Variants in FMN2 observed in about 807,000 individuals in gnomAD.
FMN2 encodes formin 2, also known as formin-2.
Under a neutral mutation model 142.3 loss-of-function variants are expected in FMN2, and 51 were observed. The observed-to-expected ratio is 0.36, with a 90% confidence interval of 0.29 to 0.45. FMN2 has a LOEUF of 0.45. FMN2 is among the 20% of genes least tolerant of loss of function. The probability of loss-of-function intolerance (pLI) is 1.00; values close to 1 mark genes in which losing one functional copy is unlikely to be tolerated. For synonymous variants in FMN2, 882 were observed against 869.8 expected, an observed-to-expected ratio of 1.01 and a Z score of -0.25; for missense variants, 1,936 against 2,122.8, an observed-to-expected ratio of 0.91 and a Z score of 1.73.
chr1:240,235,940 T>G (rs746679315), intron 6 of FMN2: 1 of 152,216 alleles, frequency 6.6e-6, no homozygotes, highest in Non-Finnish European at 1.5e-5. Context: ...ATGTTTCTTT[T>G]TTAAGTTTCT....
intron 14 of FMN2, 42 bp downstream of exon 14, chr1:240,355,950 GCAAAAAAAAAAAAAAAAAAA>G (rs1558449515): frequency 4.1e-4 from 35 of 86,106 alleles, no homozygotes; most frequent in Admixed American, 1.6e-3. Flanking sequence ...TCCCCTTTCA[GCAAAAAAAAAAAAAAAAAAA>G]AAAAAAAAAA....
chr1:240,334,270 T>G (rs770242521), intron 13 of FMN2, 41 bp downstream of exon 13: 3 of 1,536,994 alleles, frequency 2.0e-6, no homozygotes, highest in Non-Finnish European at 2.6e-6. Flanking sequence ...GTTTATGCTT[T>G]TTTAATGAGA....
At chr1:240,446,328 G>A (rs1675813710) in intron 16 of FMN2, among the ~76,000 whole-genome samples, 1 of 152,176 alleles carries the variant, frequency 6.6e-6, no homozygotes, top group African/African-American at 2.4e-5. Context: ...CGGACCAAGA[G>A]CTAAGAACGT....
At position 240,309,486 on chromosome 1, in the gene FMN2, G is replaced by A. The variant is rs1028967454; in HGVS notation, c.4215+14603G>A. Among the ~76,000 whole-genome samples the A allele has an allele frequency of 2.5e-4, 38 of 152,146 alleles. 1 individual carries two copies. The highest frequency in any genetic ancestry group is 1.7e-4 in the African/African-American group (7 of 41,436). ...CTTGGCTGGTGCAGGTGCACAGTGC[G>A]TGGTGTCTGCATTGGAGGCAAACTG... is the stretch of plus-strand genomic sequence containing the variant. On this transcript the variant is annotated intron_variant, in intron 8 of 17. Coordinates refer to ENST00000319653, the MANE Select transcript of FMN2 (RefSeq NM_020066.5).
chr1:240,152,081 T>A (rs914958515), intron 2 of FMN2, among the ~76,000 whole-genome samples: 2 of 152,158 alleles, frequency 1.3e-5, no homozygotes, highest in Non-Finnish European at 2.9e-5. Context: ...TCCAATGGAC[T>A]TTTTAATGCA....
intron 4 of FMN2, among the ~76,000 whole-genome samples, chr1:240,198,000 A>T (rs1213937872): frequency 6.6e-6 from 1 of 152,034 alleles, no homozygotes; most frequent in Non-Finnish European, 1.5e-5. Flanking sequence ...ACAAACACCA[A>T]AAAAAAGATA....
intron 15 of FMN2, among the ~76,000 whole-genome samples, chr1:240,430,904 T>A (rs79258924): frequency 0.034 from 5,074 of 149,948 alleles, 259 homozygotes; most frequent in African/African-American, 0.12. Context: ...TTCTTTTTTT[T>A]AAAAATGTAT....
At chr1:240,204,928 A>G (rs1452778250) in intron 4 of FMN2, among the ~76,000 whole-genome samples, 1 of 152,182 alleles carries the variant, frequency 6.6e-6, no homozygotes, top group Non-Finnish European at 1.5e-5. Flanking sequence ...AGATTTAATA[A>G]AGAAGATGTT....
intron 16 of FMN2, among the ~76,000 whole-genome samples, chr1:240,460,744 A>G (rs1676421143): frequency 6.6e-6 from 1 of 152,038 alleles, no homozygotes; most frequent in Non-Finnish European, 1.5e-5. Context: ...AAACATTCTG[A>G]AAATCACGTA....
At chr1:240,278,137 C>T (rs568879024) in intron 7 of FMN2, among the ~76,000 whole-genome samples, 98 of 152,266 alleles carry the variant, frequency 6.4e-4, no homozygotes, top group Middle Eastern at 3.4e-3. Flanking sequence ...GCTAAGTGCC[C>T]ACTTTTAAAA....
At chr1:240,155,001 C>G (rs991647295) in intron 2 of FMN2, among the ~76,000 whole-genome samples, 1 of 151,494 alleles carries the variant, frequency 6.6e-6, no homozygotes, top group South Asian at 2.1e-4. Flanking sequence ...ATCCCCCCCC[C>G]GACCTTGACC....
chr1:240,459,025 A>T (rs921468386), intron 16 of FMN2: 1 of 152,120 alleles, frequency 6.6e-6, no homozygotes, highest in Non-Finnish European at 1.5e-5. Context: ...TTTTTTTTCT[A>T]TATCAGAGAC....
At position 240,149,105 on chromosome 1, in the gene FMN2, T is replaced by C. The variant is rs543913007; in HGVS notation, c.1782+25760T>C. On this transcript the variant is annotated intron_variant, in intron 2 of 17. Coordinates refer to ENST00000319653, the MANE Select transcript of FMN2 (RefSeq NM_020066.5). ...TAACATGTGTTTTGAAATGTGCTTT[T>C]GAAATACAAGGGGTTGTAAAACATT... 2.6e-5 allele frequency among the ~76,000 whole-genome samples: 4 copies of C among 152,332 alleles called. No homozygotes were observed. The South Asian group carries it at 6.2e-4, about 24-fold the overall frequency.
chr1:240,207,751 C>T lies in FMN2; in HGVS notation c.2939C>T (p.Pro980Leu), dbSNP rs763833109. The T allele has an allele frequency of 1.7e-5, 26 of 1,513,090 alleles. 1 individual carries two copies. Among genetic ancestry groups the T allele is most frequent in the Non-Finnish European group, 2.3e-5 (25 of 1,103,268 alleles). The allele number at this position is 1,513,090 out of a possible 1,614,324, so 93.7% of individuals were successfully genotyped here. The change falls in exon 5 of 18, where the codon CCT becomes CTT. Residue 980 changes from proline to leucine, a missense_variant. Coordinates refer to ENST00000319653, the MANE Select transcript of FMN2 (RefSeq NM_020066.5). Reference sequence around the variant, plus strand: ...GGAGCAGGAATACCTCCTCCACCCCCTCTACCCGGAGCGGGCATACCCCCT... The same window carrying T: ...GGAGCAGGAATACCTCCTCCACCCCTTCTACCCGGAGCGGGCATACCCCCT... ...LPGAGIPPPPPLPGAGIPPPP... is the reference protein window; with the variant it reads ...LPGAGIPPPPLLPGAGIPPPP...
intron 15 of FMN2, among the ~76,000 whole-genome samples, chr1:240,401,368 G>A (rs1020524635): frequency 1.3e-5 from 2 of 152,120 alleles, no homozygotes; most frequent in African/African-American, 4.8e-5. Context: ...GGCAAGATTT[G>A]GAGGTACTCA....
intron 2 of FMN2, among the ~76,000 whole-genome samples, chr1:240,162,629 C>G (rs1332499882): frequency 1.3e-5 from 2 of 151,920 alleles, no homozygotes; most frequent in Non-Finnish European, 2.9e-5. Flanking sequence ...CCTGTAGGAT[C>G]AATGTTATGT....
At chr1:240,154,131 A>G (rs1014325739) in intron 2 of FMN2, among the ~76,000 whole-genome samples, 27 of 148,836 alleles carry the variant, frequency 1.8e-4, no homozygotes, top group Non-Finnish European at 2.4e-4. Flanking sequence ...AAAAAAAAAA[A>G]GTGTTACTAC....
chr1:240,285,412 T>C, intron 7 of FMN2: 1 of 409,030 alleles, frequency 2.4e-6, no homozygotes, highest in South Asian at 1.8e-5. Flanking sequence ...CTGTTGGTTC[T>C]ATAAGTGAGG....
At chr1:240,104,100 G>C (rs1387349503) in intron 1 of FMN2, among the ~76,000 whole-genome samples, 1 of 151,034 alleles carries the variant, frequency 6.6e-6, no homozygotes, top group Non-Finnish European at 1.5e-5. Context: ...GGATGGTCTC[G>C]ATCTCCTGAC....
Sources: gnomAD v4.1 joint callset for allele counts (sites outside exome capture counted in the v4.1 genomes callset) on GRCh38, gnomAD v4.1.1 for gene constraint, MANE v1.5 for transcripts, NCBI Gene and HGNC (gene_info 2026-07-23, HGNC 2026-07-21) for gene names.